TNFSF4: variants seen among roughly 807,000 people sequenced by gnomAD.
TNFSF4 encodes the protein tumor necrosis factor ligand superfamily member 4.
Under a neutral mutation model 7.3 loss-of-function variants are expected in TNFSF4, and 4 were observed. That is an observed-to-expected ratio of 0.55 (90% confidence interval 0.27 to 1.25). The LOEUF is 1.25. TNFSF4 is among the 50% of genes most tolerant of loss of function. TNFSF4 has a pLI of 0.12. For synonymous variants in TNFSF4, 76 were observed against 83.7 expected (o/e 0.91, Z 0.50); for missense variants, 181 against 208.8 (o/e 0.87, Z 0.82).
At chr1:173,365,334 G>C in the TNFSF4 span, among the ~76,000 whole-genome samples, 1 of 152,142 alleles carries the variant, frequency 6.6e-6, no homozygotes, top group Non-Finnish European at 1.5e-5. Context: ...ACATTATTTA[G>C]TGTTTCCTCT....
chr1:173,393,828 C>T, the TNFSF4 span, among the ~76,000 whole-genome samples: 1 of 152,318 alleles, frequency 6.6e-6, no homozygotes, highest in East Asian at 1.9e-4. Flanking sequence ...TTAGCTGAGA[C>T]ATGTGAGAAA....
chr1:173,191,286 T>C (rs932962555), intron 1 of TNFSF4, among the ~76,000 whole-genome samples: 3 of 152,226 alleles, frequency 2.0e-5, no homozygotes, highest in East Asian at 1.9e-4. Context: ...TGGAGGAAGC[T>C]GACCTACTGG....
chr1:173,417,196 A>T, the TNFSF4 span, among the ~76,000 whole-genome samples: 3 of 152,192 alleles, frequency 2.0e-5, no homozygotes, highest in African/African-American at 7.2e-5. Flanking sequence ...AGTCAGAGAC[A>T]CCTCGGTTTG....
At chr1:173,307,323 A>G in the TNFSF4 span, among the ~76,000 whole-genome samples, 14 of 151,902 alleles carry the variant, frequency 9.2e-5, no homozygotes, top group African/African-American at 3.1e-4. Context: ...TGCAAAATCT[A>G]AATCTAATCA....
At chr1:173,351,496 G>A in the TNFSF4 span, among the ~76,000 whole-genome samples, 1 of 152,158 alleles carries the variant, frequency 6.6e-6, no homozygotes, top group South Asian at 2.1e-4. Flanking sequence ...TGTTGCTTCG[G>A]TCAGAAGTCA....
chr1:173,393,794 G>A, the TNFSF4 span, among the ~76,000 whole-genome samples: 78 of 152,194 alleles, frequency 5.1e-4, no homozygotes, highest in Middle Eastern at 3.4e-3. Flanking sequence ...GATCCACTAC[G>A]GACACAAAAT....
the TNFSF4 span, among the ~76,000 whole-genome samples, chr1:173,354,925 CAA>C: frequency 6.6e-6 from 1 of 152,158 alleles, no homozygotes; most frequent in African/African-American, 2.4e-5. Context: ...TTACCACAAA[CAA>C]TGCCTTCGAT....
the TNFSF4 span, among the ~76,000 whole-genome samples, chr1:173,329,267 G>A: frequency 3.3e-5 from 5 of 152,112 alleles, no homozygotes; most frequent in African/African-American, 4.8e-5. Flanking sequence ...TGCATATAAC[G>A]TATGCACATC....
the TNFSF4 span, among the ~76,000 whole-genome samples, chr1:173,448,331 A>G: frequency 3.6e-4 from 55 of 152,338 alleles, no homozygotes; most frequent in African/African-American, 1.3e-3. Flanking sequence ...ACACACATGG[A>G]ATATTCACCA....
chr1:173,186,804 C>T lies in TNFSF4; in HGVS notation c.264G>A (p.Val88=). The change falls in exon 3 of 3, where the codon GTG becomes GTA. Residue 88 remains valine, a synonymous_variant. Coordinates refer to ENST00000281834, the MANE Select transcript of TNFSF4 (RefSeq NM_003326.5). The stretch of plus-strand genomic sequence containing the variant: ...AGTTGATGATGACTGAGTTGTTCTG[C>T]ACCTTCATGATTTCATCCTCCTTTT... The part of the protein sequence containing the change: ...TSQKEDEIMK[V]QNNSVIINCD... The T allele has an allele frequency of 6.2e-7, 1 of 1,613,234 alleles. No homozygotes were observed. Among genetic ancestry groups the T allele is most frequent in the Non-Finnish European group, 8.5e-7 (1 of 1,179,596 alleles).
the TNFSF4 span, among the ~76,000 whole-genome samples, chr1:173,395,029 TAGATAGATGATAGATAGATAGATA>T: frequency 9.6e-6 from 1 of 104,604 alleles, no homozygotes; most frequent in Non-Finnish European, 2.0e-5. Context: ...GATAGATAGA[TAGATAGATGATAGATAGATAGATA>T]GATAGATAGA....
chr1:173,322,116 C>T, the TNFSF4 span, among the ~76,000 whole-genome samples: 3 of 152,186 alleles, frequency 2.0e-5, no homozygotes, highest in East Asian at 1.9e-4. Context: ...CATATACACT[C>T]GTGGACTACT....
the TNFSF4 span, among the ~76,000 whole-genome samples, chr1:173,323,696 C>T: frequency 7.9e-5 from 12 of 151,934 alleles, no homozygotes; most frequent in Non-Finnish European, 1.3e-4. Flanking sequence ...AACCATGGCA[C>T]GAGAACTACA....
At chr1:173,271,607 T>C in the TNFSF4 span, among the ~76,000 whole-genome samples, 14 of 152,266 alleles carry the variant, frequency 9.2e-5, no homozygotes, top group Admixed American at 5.9e-4. Flanking sequence ...ATGCTCATCA[T>C]CACTGGCCAT....
chr1:173,284,371 C>A, the TNFSF4 span, among the ~76,000 whole-genome samples: 2 of 152,196 alleles, frequency 1.3e-5, no homozygotes, highest in African/African-American at 2.4e-5. Context: ...AGGAAGCCAT[C>A]TTCATCACAT....
the TNFSF4 span, among the ~76,000 whole-genome samples, chr1:173,242,703 G>C: frequency 6.6e-6 from 1 of 152,190 alleles, no homozygotes; most frequent in African/African-American, 2.4e-5. Flanking sequence ...TAGTCAGAGA[G>C]AGATGGAGTG....
the TNFSF4 span, among the ~76,000 whole-genome samples, chr1:173,177,576 T>C: frequency 2.0e-5 from 3 of 152,180 alleles, no homozygotes; most frequent in African/African-American, 7.2e-5. Context: ...TGTGTACCCC[T>C]GAACCTAAAA....
the TNFSF4 span, among the ~76,000 whole-genome samples, chr1:173,332,780 G>A: frequency 2.7e-5 from 4 of 149,382 alleles, no homozygotes; most frequent in South Asian, 2.1e-4. Flanking sequence ...ACTTGAACCC[G>A]GGAGGCAGTA....
chr1:173,272,427 T>C, the TNFSF4 span, among the ~76,000 whole-genome samples: 1 of 151,956 alleles, frequency 6.6e-6, no homozygotes, highest in East Asian at 1.9e-4. Flanking sequence ...TGCATGCCCA[T>C]TAGAGATTTT....
Sources: allele counts gnomAD v4.1 joint callset (sites outside exome capture counted in the v4.1 genomes callset), GRCh38; gene constraint gnomAD v4.1.1; transcripts MANE v1.5; gene names NCBI Gene and HGNC (gene_info 2026-07-23, HGNC 2026-07-21).